The following LYRM4 variants were observed in gnomAD, a reference collection of about 807,000 sequenced individuals.
LYRM4 encodes LYR motif containing 4, also known as LYR motif-containing protein 4.
A neutral mutation model predicts 11.7 loss-of-function variants in LYRM4; 9 were observed. That is an observed-to-expected ratio of 0.77 (90% CI 0.46 to 1.34). LYRM4 has a LOEUF of 1.34. Among genes scored for constraint, LYRM4 ranks in the 40% most tolerant of loss-of-function variants. LYRM4 has a pLI of 0.00. For synonymous variants in LYRM4, 42 were observed against 40.4 expected, an observed-to-expected ratio of 1.04 and a Z score of -0.15; for missense variants, 133 against 112.5, an observed-to-expected ratio of 1.18 and a Z score of -0.82.
chr6:5,178,804 CAAAAAAAAAAAA>C (rs56880549), intron 2 of LYRM4, among the ~76,000 whole-genome samples: 2,072 of 30,110 alleles, frequency 0.069, 99 homozygotes, highest in African/African-American at 0.19. Flanking sequence ...GACTCTGTCT[CAAAAAAAAAAAA>C]AAAAAAAAAA....
At chr6:5,049,537 T>G in the LYRM4 span, among the ~76,000 whole-genome samples, 1 of 152,346 alleles carries the variant, frequency 6.6e-6, no homozygotes, top group East Asian at 1.9e-4. Flanking sequence ...GAACCCTTAA[T>G]AGGTAAGTTA....
At chr6:5,075,800 TTTTGC>T in the LYRM4 span, among the ~76,000 whole-genome samples, 9 of 152,206 alleles carry the variant, frequency 5.9e-5, no homozygotes, top group Admixed American at 5.9e-4. Flanking sequence ...GCTTTTTAAA[TTTTGC>T]TGTTTTACAA....
intron 1 of LYRM4, among the ~76,000 whole-genome samples, chr6:5,239,874 C>T: frequency 6.6e-6 from 1 of 152,146 alleles, no homozygotes; most frequent in East Asian, 1.9e-4. Flanking sequence ...CCCTTAAAAA[C>T]ATTCTCACCA....
At chr6:5,257,984 A>C (rs1259081074) in intron 1 of LYRM4, among the ~76,000 whole-genome samples, 1 of 152,138 alleles carries the variant, frequency 6.6e-6, no homozygotes, top group African/African-American at 2.4e-5. Context: ...AGTTGGGAAA[A>C]CTTTTGTTCA....
At position 5,109,396 on chromosome 6, in the gene LYRM4, C is replaced by T. The variant is rs375051574; in HGVS notation, c.*27G>A. The T allele has an allele frequency of 3.0e-5, 48 of 1,613,494 alleles. No homozygotes were observed. Among genetic ancestry groups the T allele is most frequent in the Non-Finnish European group, 3.4e-5 (40 of 1,179,710 alleles). ...GTGGATGCTGAAGGTGGTCCCTGGC[C>T]GCCACTGGTGGCTGGTCCCCGGCTT... is the stretch of plus-strand genomic sequence containing the variant. On this transcript the variant is annotated 3_prime_UTR_variant, in exon 3 of 3. Coordinates refer to ENST00000330636, the MANE Select transcript of LYRM4 (RefSeq NM_020408.6).
At chr6:5,133,752 A>G (rs764846408) in intron 2 of LYRM4, among the ~76,000 whole-genome samples, 6 of 152,192 alleles carry the variant, frequency 3.9e-5, no homozygotes, top group Non-Finnish European at 7.4e-5. Flanking sequence ...CCCCATACTC[A>G]TTAAGCAGCC....
intron 2 of LYRM4, among the ~76,000 whole-genome samples, chr6:5,200,712 T>C (rs1421594999): frequency 6.6e-6 from 1 of 152,232 alleles, no homozygotes; most frequent in African/African-American, 2.4e-5. Context: ...TAGTTCATTG[T>C]AAGCCACTGG....
the LYRM4 span, among the ~76,000 whole-genome samples, chr6:5,049,809 A>T: frequency 6.6e-6 from 1 of 152,212 alleles, no homozygotes; most frequent in Non-Finnish European, 1.5e-5. Flanking sequence ...AGTTGGGATT[A>T]TAGGCGTGCA....
intron 2 of LYRM4, among the ~76,000 whole-genome samples, chr6:5,139,512 G>T (rs1439207719): frequency 1.3e-5 from 2 of 152,194 alleles, no homozygotes; most frequent in African/African-American, 2.4e-5. Flanking sequence ...TGCTATGATT[G>T]TGTTTAATAT....
rs141510206 is a variant in LYRM4, at chr6:5,176,601, G to A, written c.207+40017C>T. Reference sequence around the variant, plus strand: ...GTTTCCTGGGCAGTTTTCATAGACTGCACCCTGATGAGCAGTGTGGTTTAG... The same window carrying A: ...GTTTCCTGGGCAGTTTTCATAGACTACACCCTGATGAGCAGTGTGGTTTAG... On this transcript the variant is annotated intron_variant, in intron 2 of 2. Coordinates refer to ENST00000330636, the MANE Select transcript of LYRM4 (RefSeq NM_020408.6). 6.6e-3 allele frequency among the ~76,000 whole-genome samples: 1,007 copies of A among 152,296 alleles called. 5 individuals carry two copies. The highest frequency in any genetic ancestry group is 0.022 in the African/African-American group (911 of 41,552).
chr6:5,099,621 T>G (rs1179581857), downstream of LYRM4, among the ~76,000 whole-genome samples: 1 of 152,176 alleles, frequency 6.6e-6, no homozygotes, highest in African/African-American at 2.4e-5. The surrounding 1 kb of genome is among the most constrained non-coding windows in gnomAD (Gnocchi z 4.3). Context: ...TTATTTCTTT[T>G]GTTTTGAGAT....
intron 2 of LYRM4, among the ~76,000 whole-genome samples, chr6:5,205,742 A>G (rs904594817): frequency 2.6e-5 from 4 of 152,230 alleles, no homozygotes; most frequent in African/African-American, 9.6e-5. Flanking sequence ...TGCTATTTTT[A>G]CCAGCTCCCC....
the LYRM4 span, among the ~76,000 whole-genome samples, chr6:5,039,202 C>T: frequency 9.2e-5 from 14 of 151,964 alleles, no homozygotes; most frequent in South Asian, 2.1e-4. Flanking sequence ...TGAAGCTTAC[C>T]GGAAGCCACC....
chr6:5,225,451 C>T (rs1762831193), intron 1 of LYRM4, among the ~76,000 whole-genome samples: 1 of 151,750 alleles, frequency 6.6e-6, no homozygotes, highest in Non-Finnish European at 1.5e-5. Flanking sequence ...ATTTTTTTTC[C>T]TTCACAAACG....
At chr6:5,239,796 C>T (rs897350852) in intron 1 of LYRM4, among the ~76,000 whole-genome samples, 1 of 152,134 alleles carries the variant, frequency 6.6e-6, no homozygotes, top group East Asian at 1.9e-4. Context: ...CCACATTGGT[C>T]TTTTCCCAAG....
intron 2 of LYRM4, among the ~76,000 whole-genome samples, chr6:5,122,867 G>A (rs773461586): frequency 2.6e-4 from 39 of 152,184 alleles, no homozygotes; most frequent in Non-Finnish European, 4.7e-4. Context: ...ACGTTGGCAC[G>A]CACAGACCCA....
chr6:5,213,181 G>A (rs977228299), intron 2 of LYRM4, among the ~76,000 whole-genome samples: 1 of 152,240 alleles, frequency 6.6e-6, no homozygotes, highest in Admixed American at 6.5e-5. Flanking sequence ...TAAGGAGCTA[G>A]AAGACCTGAG....
chr6:5,143,104 T>C (rs1227574888), intron 2 of LYRM4, among the ~76,000 whole-genome samples: 2 of 152,208 alleles, frequency 1.3e-5, no homozygotes, highest in African/African-American at 4.8e-5. Context: ...GTGATGCCAC[T>C]TCCTGTTCAC....
At chr6:5,194,331 G>A (rs147574236) in intron 2 of LYRM4, among the ~76,000 whole-genome samples, 2 of 152,284 alleles carry the variant, frequency 1.3e-5, no homozygotes, top group East Asian at 3.9e-4. Flanking sequence ...GGTGGCACTA[G>A]TAAGAACAAA....
Sources: gnomAD v4.1 joint callset for allele counts (sites outside exome capture counted in the v4.1 genomes callset) on GRCh38, gnomAD v4.1.1 for gene constraint, Gnocchi (gnomAD v3.1) non-coding constraint, MANE v1.5 for transcripts, NCBI Gene and HGNC (gene_info 2026-07-23, HGNC 2026-07-21) for gene names.